CSMD1: variants seen among roughly 807,000 people sequenced by gnomAD.
The protein encoded by CSMD1 is CUB and Sushi multiple domains 1.
A neutral mutation model predicts 417.5 loss-of-function variants in CSMD1; 213 were observed. The ratio of observed to expected loss-of-function variants is 0.51; its 90% CI spans 0.46 to 0.57. The LOEUF (loss-of-function observed/expected upper bound fraction) is 0.57, where lower values mean the gene tolerates loss of function less well. CSMD1 is among the 20% of genes least tolerant of loss of function. The pLI is 0.00. For missense variants in CSMD1, 6,923 were observed against 4,529.7 expected, an observed-to-expected ratio of 1.53 and a Z score of -15.17; for synonymous variants, 2,862 against 1,736.8, an observed-to-expected ratio of 1.65 and a Z score of -16.11.
chr8:3,956,961 A>G (rs1401815972), intron 5 of CSMD1, among the ~76,000 whole-genome samples: 1 of 152,130 alleles, frequency 6.6e-6, no homozygotes, highest in Non-Finnish European at 1.5e-5. Context: ...TTCTATACGG[A>G]AAGGTTGGAC....
chr8:3,532,027 G>C (rs1052830919), intron 10 of CSMD1, among the ~76,000 whole-genome samples: 1 of 152,220 alleles, frequency 6.6e-6, no homozygotes, highest in Non-Finnish European at 1.5e-5. Context: ...GTCCTAAACA[G>C]TTTTTCATGC....
chr8:4,801,004 G>A (rs978747370), intron 1 of CSMD1, among the ~76,000 whole-genome samples: 4 of 152,136 alleles, frequency 2.6e-5, no homozygotes, highest in Non-Finnish European at 5.9e-5. Flanking sequence ...ACAACTGCTT[G>A]CCTGATGTCT....
rs78131559 is a variant in CSMD1 at position 4,807,629 on chromosome 8, T to C, written c.86-170071A>G. On this transcript the variant is annotated intron_variant, in intron 1 of 69. Coordinates refer to ENST00000635120, the MANE Select transcript of CSMD1 (RefSeq NM_033225.6). ...ATAGTAATGACAGTAATAATCCTAA[T>C]ACATATGAATATACATAATACTGTA... Among the ~76,000 whole-genome samples the C allele has an allele frequency of 8.7e-3, 1,325 of 152,328 alleles. 19 individuals carry two copies. The highest frequency in any genetic ancestry group is 0.031 in the African/African-American group (1,277 of 41,562).
intron 5 of CSMD1, among the ~76,000 whole-genome samples, chr8:3,811,705 G>C (rs1801095807): frequency 6.6e-6 from 1 of 152,082 alleles, no homozygotes. Context: ...TGTTTTTGTA[G>C]GAAAATTGTG....
chr8:3,460,192 G>A (rs781702604), intron 12 of CSMD1, among the ~76,000 whole-genome samples: 1 of 152,190 alleles, frequency 6.6e-6, no homozygotes, highest in Non-Finnish European at 1.5e-5. Context: ...ATTGGGGAAA[G>A]TAAACTCTGA....
chr8:3,745,062 TAAC>T (rs1397441637), intron 6 of CSMD1, among the ~76,000 whole-genome samples: 3 of 152,172 alleles, frequency 2.0e-5, no homozygotes, highest in Admixed American at 6.5e-5. Context: ...TTCAACATGT[TAAC>T]AACCATTATG....
chr8:4,807,772 A>T (rs1798675041), intron 1 of CSMD1, among the ~76,000 whole-genome samples: 1 of 152,180 alleles, frequency 6.6e-6, no homozygotes, highest in South Asian at 2.1e-4. Context: ...GTAAACTATC[A>T]GCTCTATATC....
chr8:2,949,370 T>C lies in CSMD1; in HGVS notation c.10331A>G (p.Glu3444Gly), dbSNP rs372864008. ...GLDGYVSSGLERGGFTFQGDI... is the reference protein window; with the variant it reads ...GLDGYVSSGLGRGGFTFQGDI... ...ACCTTGAAAAGTAAATCCTCCTCTT[T>C]CAAGTCCAGATGACACCTGACACAT... Residue 3444 changes from glutamate (E) to glycine (G), a missense_variant, in exon 68 of 70, where the codon GAA (glutamate) becomes GGA (glycine). By Grantham distance (98) the Glu-to-Gly change is moderately conservative. Transcript: ENST00000635120. The C allele has an allele frequency of 5.6e-6, 9 of 1,597,132 alleles. No individual in the cohort carries two copies. In the African/African-American group the frequency reaches 1.2e-4, roughly 22 times the overall value.
intron 1 of CSMD1, among the ~76,000 whole-genome samples, chr8:4,800,609 G>T (rs1798229568): frequency 6.6e-6 from 1 of 152,206 alleles, no homozygotes; most frequent in Non-Finnish European, 1.5e-5. Flanking sequence ...CTAGCAAAGG[G>T]GTAGAGTCAC....
chr8:3,658,124 C>G (rs1006608230), intron 7 of CSMD1, among the ~76,000 whole-genome samples: 2 of 152,060 alleles, frequency 1.3e-5, no homozygotes, highest in East Asian at 3.9e-4. Flanking sequence ...AAATAAAAAA[C>G]CAACTCAAAA....
At chr8:4,272,276 C>T (rs1400482533) in intron 3 of CSMD1, among the ~76,000 whole-genome samples, 1 of 152,102 alleles carries the variant, frequency 6.6e-6, no homozygotes, top group Non-Finnish European at 1.5e-5. Context: ...TTTAAGAAAA[C>T]TTATAAATAG....
chr8:4,714,922 T>A (rs1010425981), intron 1 of CSMD1, among the ~76,000 whole-genome samples: 80 of 152,340 alleles, frequency 5.3e-4, no homozygotes, highest in African/African-American at 1.9e-3. Context: ...CATAGCAGAC[T>A]TTTTGGAAGG....
In CSMD1 at chr8:4,730,736, A is replaced by G. The variant is rs182469914; in HGVS notation, c.86-93178T>C. On this transcript the variant is annotated intron_variant, in intron 1 of 69. Coordinates refer to ENST00000635120, the MANE Select transcript of CSMD1 (RefSeq NM_033225.6). ...AGCCTGGGCGACAGAGCGAGACTCC[A>G]TTTCAAAAAAACAAATAAAAAAAAA... 6.8e-3 allele frequency among the ~76,000 whole-genome samples: 1,016 copies of G among 150,118 alleles called. 14 individuals carry two copies. The highest frequency in any genetic ancestry group is 0.024 in the African/African-American group (946 of 39,620).
intron 2 of CSMD1, among the ~76,000 whole-genome samples, chr8:4,485,815 T>C (rs1801346736): frequency 6.6e-6 from 1 of 152,010 alleles, no homozygotes; most frequent in African/African-American, 2.4e-5. Flanking sequence ...AAATGGCAAA[T>C]TCCAAAATGT....
intron 1 of CSMD1, among the ~76,000 whole-genome samples, chr8:4,969,278 C>A (rs1810091960): frequency 6.6e-6 from 1 of 151,924 alleles, no homozygotes; most frequent in African/African-American, 2.4e-5. Flanking sequence ...TAGGCATTTT[C>A]AATTTGCTAG....
chr8:3,379,594 C>A (rs184439528), intron 18 of CSMD1, among the ~76,000 whole-genome samples: 11 of 152,262 alleles, frequency 7.2e-5, no homozygotes, highest in African/African-American at 2.4e-4. Flanking sequence ...AATAACACCA[C>A]ATATCTACAA....
intron 3 of CSMD1, among the ~76,000 whole-genome samples, chr8:4,270,934 C>T (rs548232863): frequency 2.0e-5 from 3 of 152,210 alleles, no homozygotes; most frequent in Admixed American, 6.5e-5. Context: ...ATGAGACACC[C>T]CTAGAGAGAG....
intron 3 of CSMD1, among the ~76,000 whole-genome samples, chr8:4,101,770 A>G (rs1485357211): frequency 6.6e-6 from 1 of 152,244 alleles, no homozygotes; most frequent in Non-Finnish European, 1.5e-5. Context: ...TGCTTAGGAC[A>G]GCAAATGCTG....
intron 7 of CSMD1, among the ~76,000 whole-genome samples, chr8:3,684,129 A>G (rs1281150357): frequency 7.0e-6 from 1 of 142,860 alleles, no homozygotes; most frequent in Non-Finnish European, 1.5e-5. Flanking sequence ...TATAATTTAT[A>G]TAATATATAA....
Sources: gnomAD v4.1 joint callset for allele counts (sites outside exome capture counted in the v4.1 genomes callset) on GRCh38, gnomAD v4.1.1 for gene constraint, MANE v1.5 for transcripts, NCBI Gene and HGNC (gene_info 2026-07-23, HGNC 2026-07-21) for gene names.